BMP10: variants seen among roughly 807,000 people sequenced by gnomAD.
The protein encoded by BMP10 is bone morphogenetic protein 10.
Under a neutral mutation model 29.9 loss-of-function variants are expected in BMP10, and 9 were observed. The observed-to-expected ratio is 0.30, with a 90% CI of 0.18 to 0.53. BMP10 has a LOEUF of 0.53. Ranked by LOEUF, BMP10 falls within the 20% of genes least tolerant of loss-of-function variation. BMP10 has a pLI of 0.96. For missense variants in BMP10, 474 were observed against 524.3 expected (o/e 0.90, Z 0.94); for synonymous variants, 202 against 200.2 (o/e 1.01, Z -0.07).
chr2:68,866,978 C>CG (rs1682971170), intron 1 of BMP10, among the ~76,000 whole-genome samples: 1 of 151,924 alleles, frequency 6.6e-6, no homozygotes, highest in Non-Finnish European at 1.5e-5. Context: ...TGAAGCTTTT[C>CG]GGGGATGAGG....
rs1261512661 is a variant in BMP10, at chr2:68,861,515, CAG to C, written c.*4114_*4115del. 2.0e-5 allele frequency among the ~76,000 whole-genome samples: 3 copies of C among 152,220 alleles called. No homozygotes were observed. The highest frequency in any genetic ancestry group is 4.4e-5 in the Non-Finnish European group (3 of 68,036). ...TCCTGTTTGGGGGCAAGAAAATGCA[CAG>C]AGTCATACCAGCATTTCCTCTTGCA... On this transcript the variant is annotated 3_prime_UTR_variant, in exon 2 of 2. Coordinates refer to ENST00000295379, the MANE Select transcript of BMP10 (RefSeq NM_014482.3).
At chr2:68,868,004 G>A (rs1270158730) in intron 1 of BMP10, among the ~76,000 whole-genome samples, 1 of 152,086 alleles carries the variant, frequency 6.6e-6, no homozygotes, top group African/African-American at 2.4e-5. Flanking sequence ...CTTACACACT[G>A]CTAGTGGGAA....
Position 68,864,502 on chromosome 2 carries a change from A to G in BMP10, c.*1129T>C, listed in dbSNP as rs1034499583. 2.0e-5 allele frequency among the ~76,000 whole-genome samples: 3 copies of G among 152,154 alleles called. No homozygotes were observed. Among genetic ancestry groups the G allele is most frequent in the South Asian group, 2.1e-4 (1 of 4,832 alleles). ...TGTCCCTTTCCAGTTCACAGCATGCATCATGAAGGCCAGGGAAGAGCAGGG... is the reference window on the plus strand; with the variant it reads ...TGTCCCTTTCCAGTTCACAGCATGCGTCATGAAGGCCAGGGAAGAGCAGGG... On this transcript the variant is annotated 3_prime_UTR_variant, in exon 2 of 2. Coordinates refer to ENST00000295379, the MANE Select transcript of BMP10 (RefSeq NM_014482.3).
rs773189718 is a variant in BMP10, at chr2:68,866,339, C to G, written c.567G>C (p.Gly189=). 1 of 1,613,838 alleles carries G rather than the reference C, an allele frequency of 6.2e-7. No homozygotes were observed. Reference sequence around the variant, plus strand: ...ACTCACTGTTGGTTCCATATATCTCCCCAGACACCAAGACCAGCATGTTTC... The same window carrying G: ...ACTCACTGTTGGTTCCATATATCTCGCCAGACACCAAGACCAGCATGTTTC... ...GERNMLVLVS[G]EIYGTNSEWE... is the part of the protein sequence containing the mutation. The change falls in exon 2 of 2, where the codon GGG becomes GGC. Residue 189 remains glycine (G), a synonymous_variant. Transcript: ENST00000295379.
In BMP10 at chr2:68,864,142, T is replaced by C. The variant is rs571115873; in HGVS notation, c.*1489A>G. ...CCTCACCACTTTCAGTCCTGGCCAG[T>C]TGCAAAATGGGAAGATGGTAAGATG... On this transcript the variant is annotated 3_prime_UTR_variant, in exon 2 of 2. Coordinates refer to ENST00000295379, the MANE Select transcript of BMP10 (RefSeq NM_014482.3). Among the ~76,000 whole-genome samples the C allele has an allele frequency of 6.6e-6, 1 of 152,086 alleles. No individual in the cohort carries two copies. Among genetic ancestry groups the C allele is most frequent in the African/African-American group, 2.4e-5 (1 of 41,414 alleles).
rs565019397 is a variant in BMP10, at chr2:68,868,468, T to A, written c.335-1897A>T. On this transcript the variant is annotated intron_variant, in intron 1 of 1. Transcript: ENST00000295379. ...TATGAATGGATTTTCCCAACTAGAT[T>A]GCCATCCTCCTGGTTTGAATGGCTC... Among the ~76,000 whole-genome samples, 188 of 152,214 alleles carry A rather than the reference T, an allele frequency of 1.2e-3. 1 individual carries two copies. The highest frequency in any genetic ancestry group is 9.8e-4 in the Non-Finnish European group (67 of 68,038).
intron 1 of BMP10, among the ~76,000 whole-genome samples, chr2:68,868,212 C>G (rs1366628128): frequency 6.6e-6 from 1 of 152,106 alleles, no homozygotes; most frequent in East Asian, 1.9e-4. Context: ...ATATCTTTAC[C>G]ACCTGTCAAA....
Position 68,865,552 on chromosome 2 carries a change from C to T in BMP10, c.*79G>A, listed in dbSNP as rs1682934858. The T allele has an allele frequency of 5.0e-6, 7 of 1,403,344 alleles. No homozygotes were observed. Among genetic ancestry groups the T allele is most frequent in the Middle Eastern group, 2.6e-4 (1 of 3,898 alleles). 86.9% of individuals were successfully genotyped at this position (1,403,344 alleles called of 1,614,324 possible). A position where few individuals can be genotyped will look rare whatever the true frequency, so the allele number is the denominator to read the frequency against. On this transcript the variant is annotated 3_prime_UTR_variant, in exon 2 of 2. Coordinates refer to ENST00000295379, the MANE Select transcript of BMP10 (RefSeq NM_014482.3). This position sits in a 1 kb window ranked among gnomAD's most constrained non-coding sequence, Gnocchi z 4.7. ...GCAGCAAGCCTCTATTACTGTACAC[C>T]CTTATTAAATAATCTCATTAAATAG...
At position 68,868,232 on chromosome 2, in the gene BMP10, T is replaced by C. The variant is rs185898277; in HGVS notation, c.335-1661A>G. ...TTTACCACCTGTCAAAACACTCTTT[T>C]TTTCCCTGCAATTTTCACCTTTTCA... is the stretch of plus-strand genomic sequence containing the variant. On this transcript the variant is annotated intron_variant, in intron 1 of 1. Coordinates refer to ENST00000295379, the MANE Select transcript of BMP10 (RefSeq NM_014482.3). Among the ~76,000 whole-genome samples the C allele has an allele frequency of 2.3e-3, 354 of 152,318 alleles. 2 individuals are homozygous for C. Among genetic ancestry groups the C allele is most frequent in the South Asian group, 3.7e-3 (18 of 4,830 alleles).
intron 1 of BMP10, 127 bp from the exon 2 acceptor site, chr2:68,866,698 C>A (rs775654929): frequency 1.4e-6 from 1 of 719,260 alleles, no homozygotes; most frequent in Non-Finnish European, 2.3e-6. Flanking sequence ...GGGAGAAAAT[C>A]AATGAGAACA....
intron 1 of BMP10, among the ~76,000 whole-genome samples, chr2:68,867,510 A>C (rs1263841587): frequency 6.6e-6 from 1 of 152,206 alleles, no homozygotes; most frequent in East Asian, 1.9e-4. Flanking sequence ...AATGTTTATG[A>C]ATCAACTCTG....
chr2:68,869,719 T>C (rs965775526), intron 1 of BMP10, among the ~76,000 whole-genome samples: 6 of 152,306 alleles, frequency 3.9e-5, no homozygotes, highest in Middle Eastern at 3.4e-3. Context: ...ATCTGTAATC[T>C]CAACTTGCCA....
In BMP10 at chr2:68,862,343, A is replaced by G. The variant is rs558656352; in HGVS notation, c.*3288T>C. Among the ~76,000 whole-genome samples, 6 of 152,358 alleles carry G rather than the reference A, an allele frequency of 3.9e-5. No homozygotes were observed. Among genetic ancestry groups the G allele is most frequent in the African/African-American group, 1.2e-4 (5 of 41,576 alleles). On this transcript the variant is annotated 3_prime_UTR_variant, in exon 2 of 2. Coordinates refer to ENST00000295379, the MANE Select transcript of BMP10 (RefSeq NM_014482.3). ...TGCAAAAAGAGAGAGATGGAAATAC[A>G]GGCCATATATTATATGTGAGCCATA...
Position 68,870,835 on chromosome 2 carries a change from T to C in BMP10, c.334+190A>G, listed in dbSNP as rs562086826. On this transcript the variant is annotated intron_variant, in intron 1 of 1. Coordinates refer to ENST00000295379, the MANE Select transcript of BMP10 (RefSeq NM_014482.3). Reference sequence around the variant, plus strand: ...TTGGATTAAAAGATGTTTGTAAGTATTTTTCGAGGTTCCTGAAATGACTAT... The same window carrying C: ...TTGGATTAAAAGATGTTTGTAAGTACTTTTCGAGGTTCCTGAAATGACTAT... Among the ~76,000 whole-genome samples, 3 of 152,348 alleles carry C rather than the reference T, an allele frequency of 2.0e-5. No homozygotes were observed. In the South Asian group the frequency reaches 6.2e-4, roughly 32 times the overall value.
In BMP10 at chr2:68,862,578, G is replaced by T. The variant is rs1183317975; in HGVS notation, c.*3053C>A. 1.3e-5 allele frequency among the ~76,000 whole-genome samples: 2 copies of T among 152,132 alleles called. No individual in the cohort carries two copies. Among genetic ancestry groups the T allele is most frequent in the Non-Finnish European group, 2.9e-5 (2 of 68,024 alleles). ...GAGTTGTTTAGCTATATCAACTTCG[G>T]TGATGATAATTCTGCAATAAAAGGG... On this transcript the variant is annotated 3_prime_UTR_variant, in exon 2 of 2. Transcript: ENST00000295379.
In BMP10 at chr2:68,866,248, G is replaced by T; in HGVS notation, c.658C>A (p.Leu220Met). ...TGTTTGCTCTCAATGTGGACCTCCA[G>T]CTGGTGGGTGGATGAGCCTGACTTT... ...WQKSGSSTHQLEVHIESKHDE... is the reference protein window; with the variant it reads ...WQKSGSSTHQMEVHIESKHDE... Residue 220 changes from leucine to methionine, a missense_variant, in exon 2 of 2, where the codon CTG becomes ATG. By Grantham distance (15) the Leu-to-Met change is conservative. This residue lies in a region of BMP10 where 408 missense variants were observed against 415.3 expected (regional missense o/e 0.98). Coordinates refer to ENST00000295379, the MANE Select transcript of BMP10 (RefSeq NM_014482.3). The T allele has an allele frequency of 6.2e-7, 1 of 1,614,056 alleles. No homozygotes were observed. The highest frequency in any genetic ancestry group is 8.5e-7 in the Non-Finnish European group (1 of 1,179,984).
At chr2:68,868,820 A>G (rs941610772) in intron 1 of BMP10, among the ~76,000 whole-genome samples, 1 of 152,246 alleles carries the variant, frequency 6.6e-6, no homozygotes, top group African/African-American at 2.4e-5. Context: ...TTTAATGGAT[A>G]TATTCATGAT....
intron 1 of BMP10, among the ~76,000 whole-genome samples, chr2:68,869,280 G>A (rs1683027100): frequency 6.6e-6 from 1 of 151,880 alleles, no homozygotes; most frequent in African/African-American, 2.4e-5. Flanking sequence ...TTCCCAAGAT[G>A]GGGTAGGTTT....
At chr2:68,866,979 G>A (rs148985381) in intron 1 of BMP10, among the ~76,000 whole-genome samples, 37 of 152,006 alleles carry the variant, frequency 2.4e-4, no homozygotes, top group Middle Eastern at 3.4e-3. Flanking sequence ...GAAGCTTTTC[G>A]GGGATGAGGA....
Sources: gnomAD v4.1 joint callset for allele counts (sites outside exome capture counted in the v4.1 genomes callset) on GRCh38, gnomAD v4.1.1 for gene constraint, gnomAD v4.1.1 regional missense constraint, Gnocchi (gnomAD v3.1) non-coding constraint, MANE v1.5 for transcripts, NCBI Gene and HGNC (gene_info 2026-07-23, HGNC 2026-07-21) for gene names.